CCDC32: variants seen among roughly 807,000 people sequenced by gnomAD.
CCDC32 encodes the protein coiled-coil domain-containing protein 32.
Under a neutral mutation model 20.1 loss-of-function variants are expected in CCDC32, and 9 were observed. The ratio of observed to expected loss-of-function variants is 0.45; its 90% CI spans 0.27 to 0.78. CCDC32 has a LOEUF of 0.78. Ranked by LOEUF, CCDC32 falls within the 30% of genes least tolerant of loss-of-function variation. CCDC32 has a pLI of 0.16. For missense variants in CCDC32, 204 were observed against 215.5 expected (o/e 0.95, Z 0.33); for synonymous variants, 63 against 79.0 (o/e 0.80, Z 1.07).
At chr15:40,547,157 G>T (rs1028243451) in intron 3 of CCDC32, among the ~76,000 whole-genome samples, 1 of 151,986 alleles carries the variant, frequency 6.6e-6, no homozygotes, top group African/African-American at 2.4e-5. Context: ...ACAGGGTTTG[G>T]GTTTGGTTGT....
chr15:40,545,789 G>T (rs1889594046), intron 3 of CCDC32, among the ~76,000 whole-genome samples: 1 of 152,116 alleles, frequency 6.6e-6, no homozygotes. Context: ...AGACACTCAG[G>T]TGCCACACTT....
At chr15:40,527,171 G>A (rs987489689), downstream of CCDC32, among the ~76,000 whole-genome samples, 14 of 150,442 alleles carry the variant, frequency 9.3e-5, no homozygotes, top group African/African-American at 2.9e-4. Context: ...GGCTGGTCTC[G>A]AACTGCTTTT....
chr15:40,544,134 A>G (rs1007035319), intron 3 of CCDC32, among the ~76,000 whole-genome samples: 2 of 152,178 alleles, frequency 1.3e-5, no homozygotes, highest in South Asian at 2.1e-4. Context: ...ACCCCTAACC[A>G]TAGATCTTGC....
In CCDC32 at chr15:40,562,761, G is replaced by A. The variant is rs371914844; in HGVS notation, c.244+11C>T. On this transcript the variant is annotated intron_variant, in intron 2 of 3. Coordinates refer to ENST00000416810, the MANE Select transcript of CCDC32 (RefSeq NM_001080792.4). ...AACTTCAATATGCTTCCCTAGAGCC[G>A]TCAAACTTACCTAGAGATGCTAAAT... The A allele has an allele frequency of 1.7e-5, 27 of 1,608,582 alleles. No individual in the cohort carries two copies. Among genetic ancestry groups the A allele is most frequent in the East Asian group, 6.7e-5 (3 of 44,798 alleles).
intron 3 of CCDC32, among the ~76,000 whole-genome samples, chr15:40,547,491 A>G (rs1889670150): frequency 1.3e-5 from 2 of 152,106 alleles, no homozygotes; most frequent in African/African-American, 2.4e-5. Flanking sequence ...GGATTAGCCA[A>G]AGTTCTTGCC....
chr15:40,557,125 C>A, intron 3 of CCDC32, 91 bp downstream of exon 3: 2 of 1,491,768 alleles, frequency 1.3e-6, no homozygotes, highest in South Asian at 2.8e-5. Context: ...GCAAAAAAGT[C>A]TGTTCTTAAA....
downstream of CCDC32, chr15:40,534,892 T>C (rs1216749803): frequency 2.8e-6 from 2 of 702,382 alleles, no homozygotes; most frequent in Non-Finnish European, 5.2e-6. Flanking sequence ...AGTGAGGAAG[T>C]GATGGGCTCA....
chr15:40,554,258 T>C (rs1053506383), intron 3 of CCDC32, 131 bp from the exon 4 acceptor site: 76 of 1,300,962 alleles, frequency 5.8e-5, no homozygotes, highest in Non-Finnish European at 7.6e-5. Flanking sequence ...TTTTCACTGC[T>C]AAACTGGGAA....
intron 3 of CCDC32, among the ~76,000 whole-genome samples, chr15:40,539,615 C>A (rs907028010): frequency 6.6e-6 from 1 of 152,136 alleles, no homozygotes; most frequent in Non-Finnish European, 1.5e-5. Context: ...AGAGGCCAGG[C>A]AGAGGAAGAG....
At chr15:40,552,606 G>C (rs1227651762), downstream of CCDC32, among the ~76,000 whole-genome samples, 2 of 151,024 alleles carry the variant, frequency 1.3e-5, no homozygotes, top group African/African-American at 4.9e-5. Context: ...ACAAATACTT[G>C]ATTTAGAAAT....
chr15:40,540,935 A>G (rs1314273575), intron 3 of CCDC32, among the ~76,000 whole-genome samples: 3 of 152,224 alleles, frequency 2.0e-5, no homozygotes, highest in Admixed American at 2.0e-4. Flanking sequence ...GTGTGTGGAC[A>G]TTCAGACTAG....
At chr15:40,528,726 A>G (rs1184259849) in exon 4 of CCDC32, 7 of 700,656 alleles carry the variant, frequency 1.0e-5, no homozygotes, top group Admixed American at 6.1e-5. Flanking sequence ...GCGAATGGGA[A>G]ACTTCTTCCG....
At chr15:40,561,456 GA>G (rs1365524781) in intron 2 of CCDC32, among the ~76,000 whole-genome samples, 2 of 144,758 alleles carry the variant, frequency 1.4e-5, no homozygotes, top group Non-Finnish European at 3.0e-5. Flanking sequence ...CTGGGCAACA[GA>G]ATGAGACTCC....
rs1360889509 is a variant in CCDC32, at chr15:40,541,838, TC to T, written c.402-2484del. 3.3e-5 allele frequency among the ~76,000 whole-genome samples: 5 copies of T among 152,328 alleles called. No homozygotes were observed. In the East Asian group the frequency reaches 7.7e-4, roughly 23 times the overall value. ...CACAAGAGCGACCTTTTTGTGATCT[TC>T]CAACCCAAGAGTCTGTCCCTCAGGG... On this transcript the variant is annotated intron_variant, in intron 3 of 3. Transcript: ENST00000558113.
downstream of CCDC32, chr15:40,536,430 G>A (rs368155698): frequency 1.3e-5 from 2 of 152,486 alleles, no homozygotes; most frequent in African/African-American, 2.4e-5. Flanking sequence ...ACAGCTACAG[G>A]AGATGGCTGC....
downstream of CCDC32, chr15:40,537,720 T>G (rs1465428749): frequency 3.9e-5 from 6 of 152,272 alleles, no homozygotes; most frequent in Non-Finnish European, 8.8e-5. Context: ...GAGGCTGAGG[T>G]GGGCGGATCA....
intron 3 of CCDC32, among the ~76,000 whole-genome samples, chr15:40,544,584 T>C (rs1047417255): frequency 3.9e-5 from 6 of 152,174 alleles, no homozygotes; most frequent in African/African-American, 4.8e-5. Context: ...ACTGGAATCA[T>C]GTCAGCCCAG....
intron 3 of CCDC32, among the ~76,000 whole-genome samples, chr15:40,544,441 T>G (rs968498664): frequency 1.4e-4 from 22 of 152,158 alleles, no homozygotes; most frequent in African/African-American, 4.8e-4. Flanking sequence ...GGTCTCAAAC[T>G]CCTGGGCTCA....
At position 40,562,849 on chromosome 15, in the gene CCDC32, A is replaced by C. The variant is rs769258794; in HGVS notation, c.167T>G (p.Val56Gly). ...AGCTGGCTGGACAGCAAAGTCAGCC[A>C]CCTCCCTCTGGCCTTCACCTTCAGG... Reference protein sequence around the residue: ...SCPEGEGQREVADFAVQPAVK... With the variant: ...SCPEGEGQREGADFAVQPAVK... The change falls in exon 2 of 4, where the codon GTG (valine) becomes GGG (glycine). Residue 56 changes from valine to glycine, a missense_variant. Transcript: ENST00000416810. The C allele has an allele frequency of 3.7e-6, 6 of 1,614,178 alleles. No homozygotes were observed. The highest frequency in any genetic ancestry group is 1.7e-5 in the Admixed American group (1 of 60,016).
Sources: allele counts gnomAD v4.1 joint callset (sites outside exome capture counted in the v4.1 genomes callset), GRCh38; gene constraint gnomAD v4.1.1; transcripts MANE v1.5; gene names NCBI Gene and HGNC (gene_info 2026-07-23, HGNC 2026-07-21).